Variants in UNC5C observed in about 807,000 individuals in gnomAD.
UNC5C encodes netrin receptor UNC5C.
Under a neutral mutation model 99.8 loss-of-function variants are expected in UNC5C, and 47 were observed. That is an observed-to-expected ratio of 0.47 (90% confidence interval 0.37 to 0.60). UNC5C has a LOEUF of 0.60. UNC5C is among the 20% of genes least tolerant of loss of function. The probability of loss-of-function intolerance (pLI) is 0.00; values close to 1 mark genes in which losing one functional copy is unlikely to be tolerated. For missense variants in UNC5C, 1,062 were observed against 1,165.9 expected (o/e 0.91, Z 1.30); for synonymous variants, 487 against 452.2 (o/e 1.08, Z -0.98).
At chr4:95,202,261 TAAGCTCATTTATTCTGCAA>T (rs1363223775) in intron 12 of UNC5C, among the ~76,000 whole-genome samples, 2 of 152,150 alleles carry the variant, frequency 1.3e-5, no homozygotes, top group Non-Finnish European at 2.9e-5. Context: ...CACCAGGAAT[TAAGCTCATTTATTCTGCAA>T]AGCAGCAGCC....
At chr4:95,384,925 C>A (rs1745172134) in intron 1 of UNC5C, among the ~76,000 whole-genome samples, 1 of 151,972 alleles carries the variant, frequency 6.6e-6, no homozygotes. Flanking sequence ...GAAGTGTCTC[C>A]TTGGAAGACT....
At chr4:95,339,771 T>G (rs1230139742) in intron 1 of UNC5C, among the ~76,000 whole-genome samples, 1 of 152,134 alleles carries the variant, frequency 6.6e-6, no homozygotes, top group East Asian at 1.9e-4. Flanking sequence ...CAAAATGACT[T>G]GATTAATTAA....
At chr4:95,496,191 T>C (rs1346297908) in intron 1 of UNC5C, among the ~76,000 whole-genome samples, 1 of 151,816 alleles carries the variant, frequency 6.6e-6, no homozygotes, top group South Asian at 2.1e-4. Context: ...ACAGTGTATA[T>C]AGTATTTACA....
At chr4:95,194,175 T>C (rs1251600810) in intron 12 of UNC5C, among the ~76,000 whole-genome samples, 1 of 152,154 alleles carries the variant, frequency 6.6e-6, no homozygotes, top group Non-Finnish European at 1.5e-5. Context: ...CGGGTGGTGC[T>C]CAGGCAAGCA....
chr4:95,215,707 T>TG (rs1297296562), intron 10 of UNC5C, among the ~76,000 whole-genome samples: 4 of 151,942 alleles, frequency 2.6e-5, no homozygotes, highest in African/African-American at 9.7e-5. Flanking sequence ...CTAGGCTGAG[T>TG]GGGAGCGGTA....
intron 2 of UNC5C, among the ~76,000 whole-genome samples, chr4:95,324,226 G>A (rs567488414): frequency 1.2e-4 from 19 of 152,212 alleles, no homozygotes; most frequent in Middle Eastern, 3.4e-3. Context: ...CAGATCAGCA[G>A]CAGCATTAGA....
rs80069821 is a variant in UNC5C, at chr4:95,323,432, G to A, written c.346+11978C>T. 1.0e-2 allele frequency among the ~76,000 whole-genome samples: 1,522 copies of A among 152,250 alleles called. 24 individuals carry two copies. Among genetic ancestry groups the A allele is most frequent in the African/African-American group, 0.033 (1,391 of 41,528 alleles). ...CTTATTTTCTGAAGTTCCATCTGAC[G>A]TAAGTAGGTCCACAAAGTCAAGATA... On this transcript the variant is annotated intron_variant, in intron 2 of 15. Transcript: ENST00000453304.
intron 7 of UNC5C, among the ~76,000 whole-genome samples, chr4:95,226,355 A>G (rs1235115371): frequency 6.6e-6 from 1 of 152,206 alleles, no homozygotes; most frequent in Non-Finnish European, 1.5e-5. Flanking sequence ...GGGGATATGA[A>G]TACTTACATC....
intron 5 of UNC5C, among the ~76,000 whole-genome samples, chr4:95,249,434 C>T (rs1438391468): frequency 2.0e-5 from 3 of 152,182 alleles, no homozygotes; most frequent in African/African-American, 4.8e-5. Flanking sequence ...CTGGAGGTAG[C>T]ATAACCTCTA....
intron 1 of UNC5C, among the ~76,000 whole-genome samples, chr4:95,507,261 T>C (rs548880798): frequency 1.3e-5 from 2 of 152,108 alleles, no homozygotes; most frequent in African/African-American, 4.8e-5. Context: ...GTTTATCTAT[T>C]TAAACTGACC....
At chr4:95,504,990 T>TA (rs769312763) in intron 1 of UNC5C, among the ~76,000 whole-genome samples, 4 of 152,102 alleles carry the variant, frequency 2.6e-5, no homozygotes, top group Non-Finnish European at 5.9e-5. Flanking sequence ...ATAAGAGACT[T>TA]ACGCTTATTT....
At chr4:95,191,259 C>G (rs550342611) in intron 12 of UNC5C, among the ~76,000 whole-genome samples, 2 of 152,306 alleles carry the variant, frequency 1.3e-5, no homozygotes, top group Middle Eastern at 3.4e-3. Flanking sequence ...GTCTCTCTGC[C>G]TGTTCCTTCC....
Position 95,548,680 on chromosome 4 carries a change from G to T in UNC5C, c.124+54C>A, listed in dbSNP as rs1723143327. On this transcript the variant is annotated intron_variant, in intron 1 of 15. Transcript: ENST00000453304. Reference sequence around the variant, plus strand: ...GAGAACTGGGGAGGAGGAGAGGAAGGAGGGAAGGAAGAAGCTAAGGGAGGT... The same window carrying T: ...GAGAACTGGGGAGGAGGAGAGGAAGTAGGGAAGGAAGAAGCTAAGGGAGGT... The T allele has an allele frequency of 2.5e-6, 4 of 1,587,174 alleles. No individual in the cohort carries two copies. In the South Asian group the frequency reaches 4.5e-5, roughly 18 times the overall value.
chr4:95,373,200 A>G (rs1306980601), intron 1 of UNC5C, among the ~76,000 whole-genome samples: 1 of 152,180 alleles, frequency 6.6e-6, no homozygotes, highest in African/African-American at 2.4e-5. Flanking sequence ...TTAAAAACAT[A>G]AGTAAACACA....
intron 1 of UNC5C, among the ~76,000 whole-genome samples, chr4:95,491,369 C>G (rs903975049): frequency 6.6e-6 from 1 of 151,560 alleles, no homozygotes; most frequent in Non-Finnish European, 1.5e-5. Flanking sequence ...GGATAAGAAA[C>G]ATTTGGTGTT....
At chr4:95,348,399 A>G (rs1215206168) in intron 1 of UNC5C, among the ~76,000 whole-genome samples, 1 of 151,684 alleles carries the variant, frequency 6.6e-6, no homozygotes, top group Non-Finnish European at 1.5e-5. Flanking sequence ...CAATCAAGCA[A>G]TCCCACTGCT....
rs947474500 is a variant in UNC5C at position 95,494,729 on chromosome 4, T to C, written c.124+54005A>G. On this transcript the variant is annotated intron_variant, in intron 1 of 15. Transcript: ENST00000453304. ...TAGCTAAAATTAAAACATTTAAATA[T>C]ACAATTTAAATGATGTTCATGTAAC... Among the ~76,000 whole-genome samples, 8 of 151,512 alleles carry C rather than the reference T, an allele frequency of 5.3e-5. No individual in the cohort carries two copies. In the East Asian group the frequency reaches 1.2e-3, roughly 22 times the overall value.
intron 3 of UNC5C, among the ~76,000 whole-genome samples, chr4:95,299,636 A>G (rs1348952954): frequency 3.9e-5 from 6 of 152,204 alleles, no homozygotes; most frequent in Non-Finnish European, 8.8e-5. Context: ...CGGAGGCCTC[A>G]TAATCATGGT....
intron 1 of UNC5C, among the ~76,000 whole-genome samples, chr4:95,341,658 A>G (rs1743586516): frequency 6.6e-6 from 1 of 152,126 alleles, no homozygotes; most frequent in East Asian, 1.9e-4. Context: ...CATCAAATTG[A>G]CTATATACAC....
Sources: gnomAD v4.1 joint callset for allele counts (sites outside exome capture counted in the v4.1 genomes callset) on GRCh38, gnomAD v4.1.1 for gene constraint, MANE v1.5 for transcripts, NCBI Gene and HGNC (gene_info 2026-07-23, HGNC 2026-07-21) for gene names.